Variants in VAMP1 observed in about 807,000 individuals in gnomAD.
VAMP1 encodes vesicle-associated membrane protein 1.
A neutral mutation model predicts 19.1 loss-of-function variants in VAMP1; 16 were observed. The observed-to-expected ratio is 0.84, with a 90% CI of 0.57 to 1.27. The LOEUF (loss-of-function observed/expected upper bound fraction) is 1.27. Ranked by LOEUF, VAMP1 falls within the 50% of genes most tolerant of loss-of-function variation. VAMP1 has a pLI of 0.00. For synonymous variants in VAMP1, 37 were observed against 50.2 expected (o/e 0.74, Z 1.11); for missense variants, 109 against 145.4 (o/e 0.75, Z 1.29).
Position 6,470,512 on chromosome 12 carries a change from A to AC in VAMP1, c.2+17dup. 4 of 1,613,994 alleles carry AC rather than the reference A, an allele frequency of 2.5e-6. No individual in the cohort carries two copies. Among genetic ancestry groups the AC allele is most frequent in the Non-Finnish European group, 3.4e-6 (4 of 1,179,902 alleles). On this transcript the variant is annotated intron_variant, in intron 1 of 4. Transcript: ENST00000396308. ...GTTGTCAAGGAGGTGCCGAGCCCCCACACCAGAGTCAACTCACATTTTTCT... is the reference window on the plus strand; with the variant it reads ...GTTGTCAAGGAGGTGCCGAGCCCCCACCACCAGAGTCAACTCACATTTTTCT...
In VAMP1 at chr12:6,463,306, C is replaced by G; in HGVS notation, c.*1164G>C. ...CAGCAATACACAAGCACACCTGACACAGGCTGGCACGCCTCCCCCCAAGGT... is the reference window on the plus strand; with the variant it reads ...CAGCAATACACAAGCACACCTGACAGAGGCTGGCACGCCTCCCCCCAAGGT... On this transcript the variant is annotated 3_prime_UTR_variant, in exon 5 of 5. Transcript: ENST00000396308. This position sits in a 1 kb window ranked among gnomAD's most constrained non-coding sequence, Gnocchi z 4.0. The G allele has an allele frequency of 2.5e-6, 3 of 1,220,052 alleles. No homozygotes were observed. In the East Asian group the frequency reaches 1.3e-4, roughly 53 times the overall value. The allele number at this position is 1,220,052 out of a possible 1,614,324, so 75.6% of individuals were successfully genotyped here.
At chr12:6,470,396 G>C in intron 1 of VAMP1, 134 bp downstream of exon 1, 1 of 1,384,230 alleles carries the variant, frequency 7.2e-7, no homozygotes, top group South Asian at 1.2e-5. Context: ...GGCCCGGTCC[G>C]GAAGCGGCGC....
chr12:6,467,200 G>A (rs532210176), intron 1 of VAMP1: 1 of 162,550 alleles, frequency 6.2e-6, no homozygotes, highest in African/African-American at 2.4e-5. Context: ...TACCAGTAGA[G>A]TGGGGTGTTG....
chr12:6,467,991 G>A (rs1167727060), intron 1 of VAMP1, among the ~76,000 whole-genome samples: 1 of 152,258 alleles, frequency 6.6e-6, no homozygotes, highest in Non-Finnish European at 1.5e-5. Context: ...TGGATGTCCA[G>A]GCAAAAGTTT....
rs1361885204 is a variant in VAMP1, at chr12:6,466,251, G to A, written c.103C>T (p.Gln35Ter). 7 of 1,614,218 alleles carry A rather than the reference G, an allele frequency of 4.3e-6. No individual in the cohort carries two copies. The highest frequency in any genetic ancestry group is 5.9e-6 in the Non-Finnish European group (7 of 1,180,044). The change falls in exon 2 of 5, where the codon CAG becomes TAG. Residue 35 changes from glutamine (Q) to a stop codon, truncating the protein, a stop_gained. Transcript: ENST00000396308. LOFTEE classifies it high-confidence loss of function. The stretch of plus-strand genomic sequence containing the variant: ...TCCTCCACTTGTGCCTGGGTTTGCT[G>A]TAGTCGTCTGTTACTGGTCATGTTA... ...PPNMTSNRRL[Q>*]QTQAQVEEVV... is the part of the protein sequence containing the mutation.
intron 1 of VAMP1, among the ~76,000 whole-genome samples, chr12:6,470,318 T>C (rs1402916568): frequency 6.7e-6 from 1 of 150,032 alleles, no homozygotes; most frequent in Admixed American, 6.6e-5. Flanking sequence ...CCTGCGCCCC[T>C]GCCCCGCCCG....
At chr12:6,465,344 A>G in intron 3 of VAMP1, 1 of 328,170 alleles carries the variant, frequency 3.0e-6, no homozygotes, top group Non-Finnish European at 5.8e-6. Flanking sequence ...CTGATTTAAA[A>G]GAAAAAGAAA....
At chr12:6,467,556 G>A (rs1306024509) in intron 1 of VAMP1, among the ~76,000 whole-genome samples, 1 of 152,146 alleles carries the variant, frequency 6.6e-6, no homozygotes, top group Non-Finnish European at 1.5e-5. Flanking sequence ...AAGAAAAGAC[G>A]CAGTACTAAA....
rs1369963794 is a variant in VAMP1 at position 6,464,135 on chromosome 12, A to G, written c.*335T>C. 2 of 1,372,106 alleles carry G rather than the reference A, an allele frequency of 1.5e-6. No individual in the cohort carries two copies. Among genetic ancestry groups the G allele is most frequent in the South Asian group, 2.4e-5 (2 of 81,714 alleles). The allele number at this position is 1,372,106 out of a possible 1,614,324, so 85.0% of individuals were successfully genotyped here. On this transcript the variant is annotated 3_prime_UTR_variant, in exon 5 of 5. Transcript: ENST00000396308. ...TCTCCTCCCAAGTCTGGGCAGCTTCATGGGTACTTCGCCTCAGCCACTCCC... is the reference window on the plus strand; with the variant it reads ...TCTCCTCCCAAGTCTGGGCAGCTTCGTGGGTACTTCGCCTCAGCCACTCCC...
At chr12:6,468,301 T>A (rs1945680498) in intron 1 of VAMP1, among the ~76,000 whole-genome samples, 1 of 152,236 alleles carries the variant, frequency 6.6e-6, no homozygotes, top group African/African-American at 2.4e-5. Flanking sequence ...GTTATTGGTT[T>A]ATATGCCCAG....
chr12:6,470,409 G>A, intron 1 of VAMP1, 121 bp downstream of exon 1: 7 of 1,474,068 alleles, frequency 4.7e-6, no homozygotes, highest in South Asian at 4.7e-5. Flanking sequence ...AGCGGCGCGC[G>A]GTGGTAGTTC....
intron 2 of VAMP1, 82 bp from the exon 3 acceptor site, chr12:6,466,082 G>A: frequency 6.2e-7 from 1 of 1,611,774 alleles, no homozygotes. Flanking sequence ...TCACAAGTCT[G>A]GCCCTGTGCA....
chr12:6,464,728 G>C (rs558449162), intron 4 of VAMP1, 162 bp downstream of exon 4: 5 of 1,514,344 alleles, frequency 3.3e-6, no homozygotes, highest in Non-Finnish European at 4.4e-6. Flanking sequence ...GAAATCCCTT[G>C]TCTCTGCCCT....
At chr12:6,465,010 G>A in intron 3 of VAMP1, 69 bp from the exon 4 acceptor site, 2 of 1,600,474 alleles carry the variant, frequency 1.2e-6, no homozygotes, top group South Asian at 1.1e-5. Flanking sequence ...CATCTCTAGT[G>A]GGAAACAGAA....
In VAMP1 at chr12:6,470,395, C is replaced by A. The variant is rs1565529627; in HGVS notation, c.2+135G>T. 4.4e-6 allele frequency: 6 copies of A among 1,370,844 alleles called. No individual in the cohort carries two copies. In the East Asian group the frequency reaches 1.2e-4, roughly 28 times the overall value. 84.9% of individuals were successfully genotyped at this position (1,370,844 alleles called of 1,614,324 possible). On this transcript the variant is annotated intron_variant, in intron 1 of 4. Coordinates refer to ENST00000396308, the MANE Select transcript of VAMP1 (RefSeq NM_014231.5). Reference sequence around the variant, plus strand: ...CCCCCTCCCTGGGGGTGGCCCGGTCCGGAAGCGGCGCGCGGTGGTAGTTCC... The same window carrying A: ...CCCCCTCCCTGGGGGTGGCCCGGTCAGGAAGCGGCGCGCGGTGGTAGTTCC...
rs1949920687 is a variant in VAMP1, at chr12:6,462,993, G to A, written c.*1477C>T. On this transcript the variant is annotated 3_prime_UTR_variant, in exon 5 of 5. Transcript: ENST00000396308. ...TCCTGTTCGTGGACCGAGGGAAGAA[G>A]GAATAAAGGGCCATGGGCATTCTCC... is the stretch of plus-strand genomic sequence containing the variant. The A allele has an allele frequency of 6.4e-7, 1 of 1,550,644 alleles. No individual in the cohort carries two copies. The highest frequency in any genetic ancestry group is 8.7e-7 in the Non-Finnish European group (1 of 1,147,020).
chr12:6,463,212 G>T lies in VAMP1; in HGVS notation c.*1258C>A. 15 of 1,426,902 alleles carry T rather than the reference G, an allele frequency of 1.1e-5. 1 individual carries two copies. In the South Asian group the frequency reaches 1.9e-4, roughly 19 times the overall value. The allele number at this position is 1,426,902 out of a possible 1,614,324, so 88.4% of individuals were successfully genotyped here. On this transcript the variant is annotated 3_prime_UTR_variant, in exon 5 of 5. Transcript: ENST00000396308. The surrounding 1 kb of genome is among the most constrained non-coding windows in gnomAD (Gnocchi z 4.0). ...AAGTAGAATTCAGACAGGAAAGGGT[G>T]GTTCAAAGGGGAATATACTACAGGA...
At chr12:6,469,812 G>A (rs945861471) in intron 1 of VAMP1, among the ~76,000 whole-genome samples, 21 of 152,164 alleles carry the variant, frequency 1.4e-4, no homozygotes, top group Admixed American at 1.3e-3. Flanking sequence ...AGACTAAACT[G>A]TGTGTGTTGG....
rs1262225427 is a variant in VAMP1 at position 6,464,285 on chromosome 12, GAGC to G, written c.*182_*184del. The G allele has an allele frequency of 5.3e-5, 81 of 1,538,404 alleles. No individual in the cohort carries two copies. The highest frequency in any genetic ancestry group is 6.8e-5 in the Non-Finnish European group (78 of 1,140,782). On this transcript the variant is annotated 3_prime_UTR_variant, in exon 5 of 5. Coordinates refer to ENST00000396308, the MANE Select transcript of VAMP1 (RefSeq NM_014231.5). ...CGGGTAATGACTTAGATTGTGCCAC[GAGC>G]AGCATTTCTAGTGTTGAGGGACAGA... is the stretch of plus-strand genomic sequence containing the variant.
Sources: gnomAD v4.1 joint callset for allele counts (sites outside exome capture counted in the v4.1 genomes callset) on GRCh38, gnomAD v4.1.1 for gene constraint, Gnocchi (gnomAD v3.1) non-coding constraint, MANE v1.5 for transcripts, NCBI Gene and HGNC (gene_info 2026-07-23, HGNC 2026-07-21) for gene names.